The following TMEM17 variants were observed in gnomAD, a reference collection of about 807,000 sequenced individuals.
TMEM17 encodes transmembrane protein 17.
TMEM17 carries 15 observed loss-of-function variants against 19.1 expected under a neutral mutation model. The ratio of observed to expected loss-of-function variants is 0.78; its 90% CI spans 0.52 to 1.21. The LOEUF is 1.21. TMEM17 is among the 50% of genes most tolerant of loss of function. The pLI, the probability that TMEM17 is intolerant of heterozygous loss-of-function variation, is 0.00. For missense variants in TMEM17, 245 were observed against 242.3 expected (o/e 1.01, Z -0.07); for synonymous variants, 103 against 86.9 (o/e 1.19, Z -1.03).
chr2:62,460,927 T>A, the TMEM17 span, among the ~76,000 whole-genome samples: 131 of 152,312 alleles, frequency 8.6e-4, 1 homozygote, highest in African/African-American at 3.0e-3. Flanking sequence ...TTCAAATGGC[T>A]GGCTAACAAG....
chr2:62,481,245 G>A, the TMEM17 span, among the ~76,000 whole-genome samples: 5 of 151,820 alleles, frequency 3.3e-5, no homozygotes, highest in African/African-American at 9.7e-5. Context: ...TTTTCAGCTT[G>A]TTCATTGCAT....
the TMEM17 span, among the ~76,000 whole-genome samples, chr2:62,490,209 T>A: frequency 7.9e-5 from 12 of 152,134 alleles, no homozygotes; most frequent in South Asian, 2.1e-4. Flanking sequence ...AGTTCCTTAT[T>A]ATTTCTGTAG....
At chr2:62,464,450 C>T in the TMEM17 span, among the ~76,000 whole-genome samples, 18 of 152,226 alleles carry the variant, frequency 1.2e-4, no homozygotes, top group Admixed American at 6.5e-4. Context: ...CAAGGCACCC[C>T]TGTCACGAGT....
the TMEM17 span, among the ~76,000 whole-genome samples, chr2:62,471,243 A>G: frequency 1.3e-5 from 2 of 152,142 alleles, no homozygotes; most frequent in African/African-American, 4.8e-5. Context: ...CTTAGAACCA[A>G]TTGGGGAAGT....
downstream of TMEM17, among the ~76,000 whole-genome samples, chr2:62,497,594 G>A (rs1029558918): frequency 6.6e-6 from 1 of 152,166 alleles, no homozygotes; most frequent in African/African-American, 2.4e-5. Flanking sequence ...CATTCATTTA[G>A]ATGTCTCTTC....
At chr2:62,463,592 T>A in the TMEM17 span, among the ~76,000 whole-genome samples, 1 of 152,156 alleles carries the variant, frequency 6.6e-6, no homozygotes, top group Non-Finnish European at 1.5e-5. Context: ...AATCAAGTGA[T>A]CAAGGTTGAC....
At chr2:62,481,536 A>C in the TMEM17 span, among the ~76,000 whole-genome samples, 3 of 152,090 alleles carry the variant, frequency 2.0e-5, no homozygotes, top group Non-Finnish European at 4.4e-5. Context: ...ACTTGCCGCT[A>C]TTCCTGGTTC....
At chr2:62,483,011 T>A in the TMEM17 span, among the ~76,000 whole-genome samples, 3 of 152,184 alleles carry the variant, frequency 2.0e-5, no homozygotes, top group African/African-American at 7.2e-5. Flanking sequence ...CATAAACCAA[T>A]CAACTTTCAA....
At chr2:62,502,395 T>C in intron 3 of TMEM17, 42 bp downstream of exon 3, 5 of 1,367,222 alleles carry the variant, frequency 3.7e-6, no homozygotes, top group Non-Finnish European at 5.2e-6. Flanking sequence ...AAAACTGATT[T>C]CATTTATATC....
chr2:62,471,204 G>C, the TMEM17 span, among the ~76,000 whole-genome samples: 15 of 152,290 alleles, frequency 9.8e-5, no homozygotes, highest in African/African-American at 3.6e-4. Context: ...AGGTAGGGAA[G>C]CTAAAATGTC....
the TMEM17 span, among the ~76,000 whole-genome samples, chr2:62,488,382 C>T: frequency 6.6e-6 from 1 of 151,796 alleles, no homozygotes; most frequent in African/African-American, 2.4e-5. Flanking sequence ...AGAATAAAAA[C>T]CATGGCCCTG....
the TMEM17 span, among the ~76,000 whole-genome samples, chr2:62,470,796 T>C: frequency 1.3e-5 from 2 of 152,188 alleles, no homozygotes; most frequent in Non-Finnish European, 2.9e-5. Context: ...AAATGGCTCA[T>C]GGGAAAGAGA....
At chr2:62,478,327 C>T in the TMEM17 span, among the ~76,000 whole-genome samples, 1 of 152,156 alleles carries the variant, frequency 6.6e-6, no homozygotes, top group Non-Finnish European at 1.5e-5. Context: ...TAACGAGTTC[C>T]CTGCAGCTCA....
the TMEM17 span, among the ~76,000 whole-genome samples, chr2:62,477,768 C>G: frequency 3.9e-5 from 6 of 152,320 alleles, no homozygotes; most frequent in East Asian, 3.9e-4. Context: ...CTTGGAATGA[C>G]TGAGATACAA....
the TMEM17 span, among the ~76,000 whole-genome samples, chr2:62,465,228 G>A: frequency 6.6e-6 from 1 of 152,200 alleles, no homozygotes; most frequent in Non-Finnish European, 1.5e-5. Flanking sequence ...GCAAGATGGA[G>A]TTGGTTAGGT....
At chr2:62,454,100 A>G in the TMEM17 span, among the ~76,000 whole-genome samples, 1 of 152,234 alleles carries the variant, frequency 6.6e-6, no homozygotes, top group South Asian at 2.1e-4. Flanking sequence ...TGAGAGATGC[A>G]GAGCTAAATG....
intron 3 of TMEM17, 133 bp downstream of exon 3, chr2:62,502,304 A>G (rs1679949481): frequency 1.8e-6 from 1 of 553,846 alleles, no homozygotes. Context: ...CCACAGTGAC[A>G]GAAGTGGTAA....
Position 62,502,698 on chromosome 2 carries a change from T to TGA in TMEM17, c.195_196dup (p.His66LeufsTer3). On this transcript the variant is annotated frameshift_variant, in exon 2 of 4. Transcript: ENST00000335390. LOFTEE classifies it high-confidence loss of function. ...ATTAAAGCTTAGATTTACCTTCATG[T>TGA]GAAGCATCATAATGCTGCTCACCCA... The TGA allele has an allele frequency of 1.3e-6, 2 of 1,595,764 alleles. No individual in the cohort carries two copies. The highest frequency in any genetic ancestry group is 1.7e-4 in the Middle Eastern group (1 of 5,988).
intron 1 of TMEM17, among the ~76,000 whole-genome samples, 155 bp downstream of exon 1, chr2:62,505,875 C>G (rs541651596): frequency 8.5e-5 from 13 of 152,234 alleles, no homozygotes; most frequent in South Asian, 2.1e-4. Context: ...GCTCCCTGTC[C>G]GGCCCGGCCC....
Sources: gnomAD v4.1 joint callset for allele counts (sites outside exome capture counted in the v4.1 genomes callset) on GRCh38, gnomAD v4.1.1 for gene constraint, MANE v1.5 for transcripts, NCBI Gene and HGNC (gene_info 2026-07-23, HGNC 2026-07-21) for gene names.